The following TESMIN variants were observed in gnomAD, a reference collection of about 807,000 sequenced individuals.
TESMIN encodes the protein testis expressed metallothionein like protein, also known as CXC domain containing 2.
Under a neutral mutation model 47.4 loss-of-function variants are expected in TESMIN, and 34 were observed. That is an observed-to-expected ratio of 0.72 (90% CI 0.55 to 0.96). TESMIN has a LOEUF of 0.96. TESMIN is among the 40% of genes least tolerant of loss of function. TESMIN has a pLI of 0.00. For missense variants in TESMIN, 610 were observed against 637.2 expected (o/e 0.96, Z 0.46); for synonymous variants, 278 against 258.9 (o/e 1.07, Z -0.71).
In TESMIN at chr11:68,738,786, A is replaced by T. The variant is rs1231768754; in HGVS notation, c.831T>A (p.Leu277=). ...TGACTACCGATGGTAAGGCTCCCTC[A>T]AGCTGTTCAAAGTCAAAGGCAAGGA... ...STKLNLITQQ[L]EGALPSVVNG... The change falls in exon 6 of 10, where the codon CTT becomes CTA. Residue 277 remains leucine, a splice_region_variant and synonymous_variant. Coordinates refer to ENST00000255087, the MANE Select transcript of TESMIN (RefSeq NM_004923.3). The T allele has an allele frequency of 6.2e-7, 1 of 1,612,004 alleles. No homozygotes were observed. Among genetic ancestry groups the T allele is most frequent in the African/African-American group, 1.3e-5 (1 of 75,004 alleles).
chr11:68,741,197 G>C (rs1594300383), intron 5 of TESMIN, among the ~76,000 whole-genome samples: 1 of 151,984 alleles, frequency 6.6e-6, no homozygotes, highest in South Asian at 2.1e-4. Flanking sequence ...CTTTAGAGTG[G>C]AAGCCATAAT....
intron 6 of TESMIN, among the ~76,000 whole-genome samples, chr11:68,735,475 T>G (rs1946376861): frequency 6.6e-6 from 1 of 152,190 alleles, no homozygotes; most frequent in African/African-American, 2.4e-5. Context: ...GCATTTACTA[T>G]AAATCACTGT....
intron 6 of TESMIN, among the ~76,000 whole-genome samples, chr11:68,734,227 T>C (rs1946361618): frequency 6.6e-6 from 1 of 152,234 alleles, no homozygotes; most frequent in Non-Finnish European, 1.5e-5. Flanking sequence ...TTGGGGACTT[T>C]CCTCATTTTA....
intron 6 of TESMIN, among the ~76,000 whole-genome samples, chr11:68,725,307 CA>C (rs1261123138): frequency 6.6e-6 from 1 of 152,152 alleles, no homozygotes; most frequent in Admixed American, 6.5e-5. Context: ...TCACGAAAAT[CA>C]ATTCCAGGTG....
intron 6 of TESMIN, among the ~76,000 whole-genome samples, chr11:68,727,844 C>T (rs560835049): frequency 7.2e-5 from 11 of 152,276 alleles, no homozygotes; most frequent in African/African-American, 2.2e-4. Flanking sequence ...AATCCTCGTT[C>T]TTTGATGTCA....
intron 6 of TESMIN, among the ~76,000 whole-genome samples, chr11:68,719,321 G>A (rs1946177918): frequency 6.6e-6 from 1 of 152,170 alleles, no homozygotes; most frequent in Admixed American, 6.5e-5. Flanking sequence ...AAGAAGTTCA[G>A]GAAAGGATAA....
chr11:68,707,127 G>A (rs974967720), downstream of TESMIN, among the ~76,000 whole-genome samples: 14 of 152,228 alleles, frequency 9.2e-5, no homozygotes, highest in Non-Finnish European at 8.8e-5. Context: ...AAAGGGAATT[G>A]CAAAGGGGAA....
chr11:68,726,264 G>C (rs1267514507), intron 6 of TESMIN, among the ~76,000 whole-genome samples: 3 of 152,132 alleles, frequency 2.0e-5, no homozygotes, highest in Non-Finnish European at 4.4e-5. Context: ...TGGCTGGTGG[G>C]AGGGGAGGAG....
chr11:68,712,837 G>T (rs1332999602), intron 8 of TESMIN, among the ~76,000 whole-genome samples: 1 of 152,208 alleles, frequency 6.6e-6, no homozygotes, highest in Non-Finnish European at 1.5e-5. Context: ...AGCGCCACAG[G>T]GACTTGGAAC....
At chr11:68,726,186 G>A (rs867524968) in intron 6 of TESMIN, among the ~76,000 whole-genome samples, 6 of 152,146 alleles carry the variant, frequency 3.9e-5, no homozygotes, top group African/African-American at 9.7e-5. Flanking sequence ...CCAGAACTGC[G>A]GAGGGCTCTA....
chr11:68,742,521 C>T (rs1199083062), intron 4 of TESMIN, 127 bp from the exon 5 acceptor site: 1 of 549,960 alleles, frequency 1.8e-6, no homozygotes, highest in East Asian at 3.0e-5. Context: ...TATCTTGATG[C>T]TAGTTACGCA....
At chr11:68,715,485 G>A (rs151062419) in intron 7 of TESMIN, among the ~76,000 whole-genome samples, 28 of 152,264 alleles carry the variant, frequency 1.8e-4, no homozygotes, top group African/African-American at 5.8e-4. Context: ...ACACCTTTGC[G>A]GCTACACTGC....
In TESMIN at chr11:68,750,591, G is replaced by T; in HGVS notation, c.70C>A (p.Pro24Thr). The change falls in exon 2 of 10, where the codon CCC becomes ACC. Residue 24 changes from proline to threonine, a missense_variant. Physicochemically the swap from Pro to Thr is conservative, Grantham distance 38. Coordinates refer to ENST00000255087, the MANE Select transcript of TESMIN (RefSeq NM_004923.3). ...EDAMVTELLS[P>T]EGPFASENIG... Reference sequence around the variant, plus strand: ...TTCTCCGAAGCGAACGGACCCTCGGGGCTTAAGAGCTCCGTCACCATCGCA... The same window carrying T: ...TTCTCCGAAGCGAACGGACCCTCGGTGCTTAAGAGCTCCGTCACCATCGCA... 6.2e-7 allele frequency: 1 copy of T among 1,604,972 alleles called. No individual in the cohort carries two copies. Among genetic ancestry groups the T allele is most frequent in the Non-Finnish European group, 8.5e-7 (1 of 1,176,372 alleles).
intron 6 of TESMIN, among the ~76,000 whole-genome samples, chr11:68,721,348 C>G (rs1003940220): frequency 6.6e-6 from 1 of 152,168 alleles, no homozygotes; most frequent in Non-Finnish European, 1.5e-5. Context: ...CACCTTCAAT[C>G]TACTTCCACC....
intron 6 of TESMIN, among the ~76,000 whole-genome samples, chr11:68,724,489 C>T (rs913998422): frequency 1.3e-5 from 2 of 152,218 alleles, no homozygotes; most frequent in Admixed American, 1.3e-4. Context: ...ATATGGTTGG[C>T]TCACCTCAAG....
chr11:68,747,694 G>A (rs577565225), intron 2 of TESMIN, among the ~76,000 whole-genome samples: 14 of 152,238 alleles, frequency 9.2e-5, no homozygotes, highest in African/African-American at 2.6e-4. Flanking sequence ...CCTTGGTAAC[G>A]TTTTAATATT....
downstream of TESMIN, among the ~76,000 whole-genome samples, chr11:68,705,354 C>T (rs542338359): frequency 6.6e-5 from 10 of 152,194 alleles, no homozygotes; most frequent in East Asian, 1.7e-3. Context: ...GGTTTGAAAC[C>T]GCGCCCACAC....
intron 6 of TESMIN, among the ~76,000 whole-genome samples, chr11:68,734,422 C>A (rs1209547810): frequency 1.3e-5 from 2 of 152,192 alleles, no homozygotes; most frequent in Admixed American, 1.3e-4. Context: ...GAGACACTCA[C>A]CAAGGAGCTC....
At chr11:68,746,595 A>C (rs1299739198) in intron 3 of TESMIN, among the ~76,000 whole-genome samples, 1 of 151,566 alleles carries the variant, frequency 6.6e-6, no homozygotes, top group Non-Finnish European at 1.5e-5. Context: ...TGTGGGCGAC[A>C]CTCTCCCCAT....
Sources: allele counts gnomAD v4.1 joint callset (sites outside exome capture counted in the v4.1 genomes callset), GRCh38; gene constraint gnomAD v4.1.1; transcripts MANE v1.5; gene names NCBI Gene and HGNC (gene_info 2026-07-23, HGNC 2026-07-21).